The following B3GALT1 variants were observed in gnomAD, a reference collection of about 807,000 sequenced individuals.
The protein encoded by B3GALT1 is UDP-Gal:betaGlcNAc beta 1,3-galactosyltransferase, polypeptide 1.
Under a neutral mutation model 23.2 loss-of-function variants are expected in B3GALT1, and 10 were observed. The observed-to-expected ratio is 0.43, with a 90% CI of 0.27 to 0.73. The LOEUF is 0.73. Ranked by LOEUF, B3GALT1 falls within the 30% of genes least tolerant of loss-of-function variation. B3GALT1 has a pLI of 0.21. For synonymous variants in B3GALT1, 156 were observed against 141.5 expected, an observed-to-expected ratio of 1.10 and a Z score of -0.73; for missense variants, 299 against 405.4, an observed-to-expected ratio of 0.74 and a Z score of 2.25.
chr2:167,356,234 A>G (rs551040366), intron 1 of B3GALT1, among the ~76,000 whole-genome samples: 1 of 152,228 alleles, frequency 6.6e-6, no homozygotes. Context: ...GATATTTTGC[A>G]TGTATCTCAG....
At chr2:167,694,847 T>C (rs1686768850) in intron 3 of B3GALT1, among the ~76,000 whole-genome samples, 1 of 152,206 alleles carries the variant, frequency 6.6e-6, no homozygotes, top group African/African-American at 2.4e-5. Flanking sequence ...TACTCCTTTT[T>C]GTCTTTCCAA....
intron 3 of B3GALT1, among the ~76,000 whole-genome samples, chr2:167,806,004 C>T (rs568932286): frequency 9.0e-4 from 128 of 142,162 alleles, no homozygotes; most frequent in South Asian, 1.7e-3. Flanking sequence ...TTTATTTCCT[C>T]GAGCAGTGGT....
intron 2 of B3GALT1, among the ~76,000 whole-genome samples, chr2:167,549,948 T>C (rs79446208): frequency 0.061 from 9,331 of 152,242 alleles, 649 homozygotes; most frequent in African/African-American, 0.18. Flanking sequence ...AGACCTACCT[T>C]GCAATAGGAT....
chr2:167,842,688 A>G (rs1297721264), intron 4 of B3GALT1, among the ~76,000 whole-genome samples: 1 of 152,124 alleles, frequency 6.6e-6, no homozygotes, highest in Non-Finnish European at 1.5e-5. Context: ...AGCCTGGGCA[A>G]CATGACGAAA....
At chr2:167,742,368 G>C (rs1187048562) in intron 3 of B3GALT1, among the ~76,000 whole-genome samples, 1 of 152,048 alleles carries the variant, frequency 6.6e-6, no homozygotes, top group Non-Finnish European at 1.5e-5. Context: ...GTCCTCACTG[G>C]GCAAAAGAGC....
intron 2 of B3GALT1, among the ~76,000 whole-genome samples, chr2:167,532,749 A>G (rs1015685933): frequency 6.6e-5 from 10 of 152,106 alleles, no homozygotes; most frequent in African/African-American, 2.2e-4. Flanking sequence ...AAATAAAACT[A>G]CAACTGAGTT....
chr2:167,784,824 T>A, intron 3 of B3GALT1, among the ~76,000 whole-genome samples: 1 of 152,174 alleles, frequency 6.6e-6, no homozygotes, highest in East Asian at 1.9e-4. Context: ...TTAACAATGA[T>A]AAGAATAGAA....
intron 1 of B3GALT1, among the ~76,000 whole-genome samples, chr2:167,409,869 C>A (rs186125045): frequency 6.6e-6 from 1 of 151,800 alleles, no homozygotes; most frequent in Non-Finnish European, 1.5e-5. Context: ...GACAGTGTGG[C>A]GATTTCTCAA....
intron 1 of B3GALT1, among the ~76,000 whole-genome samples, chr2:167,360,787 A>G (rs963607540): frequency 1.3e-5 from 2 of 152,162 alleles, no homozygotes; most frequent in African/African-American, 2.4e-5. Flanking sequence ...TCCTTACTGT[A>G]CTATCAAATA....
intron 2 of B3GALT1, among the ~76,000 whole-genome samples, chr2:167,557,061 C>T (rs1290959020): frequency 6.6e-6 from 1 of 152,144 alleles, no homozygotes; most frequent in Non-Finnish European, 1.5e-5. Flanking sequence ...TTATAAATCA[C>T]TCTACATTGT....
chr2:167,690,818 A>T (rs985478056), intron 3 of B3GALT1, among the ~76,000 whole-genome samples: 1 of 152,246 alleles, frequency 6.6e-6, no homozygotes, highest in East Asian at 1.9e-4. Context: ...GTTCAATAGA[A>T]GCTTTGCTTT....
chr2:167,553,570 T>C (rs746297347), intron 2 of B3GALT1, among the ~76,000 whole-genome samples: 16 of 152,164 alleles, frequency 1.1e-4, no homozygotes, highest in African/African-American at 1.7e-4. Flanking sequence ...CCTAAAGGTA[T>C]GCCCTAGGTA....
chr2:167,589,542 A>G (rs181009874), intron 2 of B3GALT1, among the ~76,000 whole-genome samples: 117 of 152,278 alleles, frequency 7.7e-4, no homozygotes, highest in African/African-American at 2.6e-3. Flanking sequence ...GTTTATTCTA[A>G]TAACATTTGT....
intron 3 of B3GALT1, among the ~76,000 whole-genome samples, chr2:167,675,810 A>T (rs1240419501): frequency 6.6e-6 from 1 of 151,974 alleles, no homozygotes; most frequent in African/African-American, 2.4e-5. Context: ...CTGTAATTAC[A>T]GCCAGGTATT....
intron 1 of B3GALT1, among the ~76,000 whole-genome samples, chr2:167,381,796 AG>A (rs1396802770): frequency 6.6e-6 from 1 of 152,228 alleles, no homozygotes; most frequent in Admixed American, 6.5e-5. Context: ...TGTTGTTTAA[AG>A]GTTTAAATAA....
intron 2 of B3GALT1, among the ~76,000 whole-genome samples, chr2:167,552,526 G>T (rs902555326): frequency 6.6e-6 from 1 of 152,132 alleles, no homozygotes; most frequent in Non-Finnish European, 1.5e-5. Context: ...ATGTTTTTGT[G>T]TATATTTTAG....
chr2:167,823,198 G>T (rs139826308), intron 4 of B3GALT1, among the ~76,000 whole-genome samples: 1 of 152,162 alleles, frequency 6.6e-6, no homozygotes, highest in East Asian at 1.9e-4. Context: ...AAGCAGCAAC[G>T]CTAGGTTGTT....
chr2:167,779,615 A>G (rs981024263), intron 3 of B3GALT1, among the ~76,000 whole-genome samples: 13 of 152,182 alleles, frequency 8.5e-5, no homozygotes, highest in Non-Finnish European at 1.2e-4. Context: ...ACAAATCAAG[A>G]TGCATGCTCT....
intron 3 of B3GALT1, among the ~76,000 whole-genome samples, chr2:167,773,876 A>G (rs1688113469): frequency 6.6e-6 from 1 of 152,244 alleles, no homozygotes; most frequent in Non-Finnish European, 1.5e-5. Flanking sequence ...TAATCTGGAC[A>G]AGACTTTGTC....
Sources: allele counts gnomAD v4.1 joint callset (sites outside exome capture counted in the v4.1 genomes callset), GRCh38; gene constraint gnomAD v4.1.1; transcripts MANE v1.5; gene names NCBI Gene and HGNC (gene_info 2026-07-23, HGNC 2026-07-21).